ZNF274: variants seen among roughly 807,000 people sequenced by gnomAD.
ZNF274 encodes neurotrophin receptor-interacting factor homolog.
ZNF274 carries 23 observed loss-of-function variants against 42.5 expected under a neutral mutation model. The observed-to-expected ratio is 0.54, with a 90% CI of 0.39 to 0.77. The LOEUF is 0.77. Among genes scored for constraint, ZNF274 ranks in the 30% least tolerant of loss-of-function variants. The probability of loss-of-function intolerance (pLI) is 0.00; values close to 1 mark genes in which losing one functional copy is unlikely to be tolerated. For synonymous variants in ZNF274, 292 were observed against 305.4 expected (o/e 0.96, Z 0.46); for missense variants, 679 against 806.5 (o/e 0.84, Z 1.91).
At chr19:58,206,564 C>T (rs2075980163) in intron 4 of ZNF274, among the ~76,000 whole-genome samples, 156 bp from the exon 5 acceptor site, 2 of 152,210 alleles carry the variant, frequency 1.3e-5, no homozygotes, top group Admixed American at 1.3e-4. Context: ...TTTCCACATC[C>T]TCTCCTGTTA....
Position 58,210,070 on chromosome 19 carries a change from T to A in ZNF274, c.849T>A (p.Pro283=). The part of the protein sequence containing the change: ...DAAICPVTVL[P]EEPVTFQDVA... ...CCATCTGCCCAGTGACAGTGCTCCC[T>A]GAGGTAAGCGGGGAGTATCACCCTG... The change falls in exon 6 of 8, where the codon CCT becomes CCA. Residue 283 remains proline, a synonymous_variant. Coordinates refer to ENST00000617501, the MANE Select transcript of ZNF274 (RefSeq NM_133502.3). 3 of 1,612,844 alleles carry A rather than the reference T, an allele frequency of 1.9e-6. No homozygotes were observed. The Admixed American group carries it at 5.0e-5, about 27-fold the overall frequency.
chr19:58,198,022 G>A (rs557574810), intron 4 of ZNF274, among the ~76,000 whole-genome samples: 12 of 152,146 alleles, frequency 7.9e-5, no homozygotes, highest in African/African-American at 2.9e-4. Context: ...TAATTAAGAA[G>A]GAAAACAAAC....
Position 58,212,832 on chromosome 19 carries a change from A to G in ZNF274, c.1651A>G (p.Thr551Ala). The change falls in exon 8 of 8, where the codon ACA becomes GCA. Residue 551 changes from threonine to alanine, a missense_variant. This residue lies in a region of ZNF274 where 456 missense variants were observed against 590.1 expected (regional missense o/e 0.77). Coordinates refer to ENST00000617501, the MANE Select transcript of ZNF274 (RefSeq NM_133502.3). The surrounding 1 kb of genome is among the most constrained non-coding windows in gnomAD (Gnocchi z 4.6). ...AGGATTTGTTCAGAGCTCTTCCCTC[A>G]CACAGCATCAGAGAGTTCATTCTGG... ...GKGFVQSSSL[T>A]QHQRVHSGER... 1 of 1,614,024 alleles carries G rather than the reference A, an allele frequency of 6.2e-7. No homozygotes were observed. Among genetic ancestry groups the G allele is most frequent in the South Asian group, 1.1e-5 (1 of 91,088 alleles).
intron 4 of ZNF274, among the ~76,000 whole-genome samples, chr19:58,201,336 C>T (rs1018894806): frequency 1.3e-5 from 2 of 150,950 alleles, no homozygotes; most frequent in African/African-American, 4.9e-5. Flanking sequence ...AACCAGATCT[C>T]GTGTGATTAA....
At chr19:58,205,342 T>C (rs1206627209) in intron 4 of ZNF274, among the ~76,000 whole-genome samples, 2 of 152,188 alleles carry the variant, frequency 1.3e-5, no homozygotes, top group African/African-American at 4.8e-5. Context: ...TTTATATTTG[T>C]TTTTAAGGCC....
At chr19:58,205,753 C>G (rs2075972817) in intron 4 of ZNF274, among the ~76,000 whole-genome samples, 2 of 152,200 alleles carry the variant, frequency 1.3e-5, no homozygotes, top group African/African-American at 4.8e-5. Flanking sequence ...GCAATGTGCT[C>G]TTGTGGACTC....
intron 4 of ZNF274, among the ~76,000 whole-genome samples, chr19:58,195,938 C>G (rs1430335333): frequency 6.6e-6 from 1 of 152,124 alleles, no homozygotes; most frequent in Non-Finnish European, 1.5e-5. Context: ...AGCCTGGTAC[C>G]AGTTTATGGC....
At chr19:58,193,348 G>A (rs745679635) in intron 4 of ZNF274, among the ~76,000 whole-genome samples, 9 of 150,362 alleles carry the variant, frequency 6.0e-5, no homozygotes, top group South Asian at 2.1e-4. Flanking sequence ...GGGTTTCACC[G>A]TGTTAGCCAG....
At chr19:58,183,777 G>A (rs2075660721) in intron 1 of ZNF274, 144 bp from the exon 2 acceptor site, 1 of 593,494 alleles carries the variant, frequency 1.7e-6, no homozygotes, top group Non-Finnish European at 3.0e-6. Flanking sequence ...TCCTGTGGGA[G>A]TCCTATGACT....
intron 5 of ZNF274, 99 bp from the exon 6 acceptor site, chr19:58,209,862 C>T (rs1287661851): frequency 1.4e-6 from 1 of 702,544 alleles, no homozygotes; most frequent in Non-Finnish European, 2.4e-6. Context: ...CAGTACGATG[C>T]AGGGGTGCGG....
chr19:58,212,959 G>A lies in ZNF274; in HGVS notation c.1778G>A (p.Cys593Tyr), dbSNP rs1335649700. ...CACACTGGCGCTAAGCCCTACAAGT[G>A]TCAGGACTGTGGAAAAGCCTTCCGC... ...RTHTGAKPYKCQDCGKAFRQS... is the reference protein window; with the variant it reads ...RTHTGAKPYKYQDCGKAFRQS... The change falls in exon 8 of 8, where the codon TGT becomes TAT. Residue 593 changes from cysteine (C) to tyrosine (Y), a missense_variant. Transcript: ENST00000617501. This position sits in a 1 kb window ranked among gnomAD's most constrained non-coding sequence, Gnocchi z 4.6. 1.9e-6 allele frequency: 3 copies of A among 1,613,890 alleles called. No individual in the cohort carries two copies. The highest frequency in any genetic ancestry group is 1.7e-6 in the Non-Finnish European group (2 of 1,179,898).
intron 4 of ZNF274, among the ~76,000 whole-genome samples, chr19:58,205,533 C>G (rs1370877538): frequency 6.6e-6 from 1 of 152,196 alleles, no homozygotes; most frequent in Non-Finnish European, 1.5e-5. Flanking sequence ...CAGGGTCTCA[C>G]TATGTTGCCC....
rs558662102 is a variant in ZNF274 at position 58,192,108 on chromosome 19, T to C, written c.256+5066T>C. ...GAAGGAAAATAAGTCCGTGGACATA[T>C]AGGATTGGTGGTGAAGACAGCTTCT... On this transcript the variant is annotated intron_variant, in intron 4 of 7. Transcript: ENST00000617501. 3.3e-5 allele frequency among the ~76,000 whole-genome samples: 5 copies of C among 152,172 alleles called. No individual in the cohort carries two copies. In the East Asian group the frequency reaches 5.8e-4, roughly 18 times the overall value.
intron 2 of ZNF274, chr19:58,184,943 C>T (rs2075678889): frequency 6.6e-6 from 1 of 150,476 alleles, no homozygotes; most frequent in South Asian, 2.1e-4. Context: ...TAGTGAAACC[C>T]CGTCTCTACT....
intron 4 of ZNF274, among the ~76,000 whole-genome samples, chr19:58,188,891 AAAAAATT>A (rs957505434): frequency 7.3e-5 from 11 of 151,236 alleles, no homozygotes; most frequent in Admixed American, 2.0e-4. Context: ...TCTCAAAAAA[AAAAAATT>A]AAAAATCCTT....
intron 4 of ZNF274, among the ~76,000 whole-genome samples, chr19:58,198,751 GA>G (rs558570984): frequency 2.7e-4 from 41 of 150,542 alleles, no homozygotes; most frequent in Admixed American, 1.3e-3. Flanking sequence ...AAGATTTTTG[GA>G]AAAGTGTAGA....
At chr19:58,200,565 AAAGGCGAACCAGGTGAAGATGTTGGGG>A (rs1368158898) in intron 4 of ZNF274, among the ~76,000 whole-genome samples, 3 of 152,130 alleles carry the variant, frequency 2.0e-5, no homozygotes, top group African/African-American at 4.8e-5. Flanking sequence ...CCTGAATGGG[AAAGGCGAACCAGGTGAAGATGTTGGGG>A]AAGGTGAACC....
intron 4 of ZNF274, among the ~76,000 whole-genome samples, chr19:58,203,947 A>C (rs1245993784): frequency 6.6e-6 from 1 of 152,256 alleles, no homozygotes; most frequent in East Asian, 1.9e-4. Context: ...GGCTGCGAGA[A>C]GGCAGCGCGG....
Position 58,213,451 on chromosome 19 carries a change from G to A in ZNF274, c.*308G>A. 2 of 291,626 alleles carry A rather than the reference G, an allele frequency of 6.9e-6. No homozygotes were observed. The highest frequency in any genetic ancestry group is 1.3e-5 in the Non-Finnish European group (2 of 155,970). The allele number at this position is 291,626 out of a possible 1,614,324, so 18.1% of individuals were successfully genotyped here. A position where few individuals can be genotyped will look rare whatever the true frequency, so the allele number is the denominator to read the frequency against. On this transcript the variant is annotated 3_prime_UTR_variant, in exon 8 of 8. Coordinates refer to ENST00000617501, the MANE Select transcript of ZNF274 (RefSeq NM_133502.3). ...TTATATAATAACTTTAAAAAGCCAG[G>A]TAATTAATAATCTGCACTGATATTA...
Sources: allele counts gnomAD v4.1 joint callset (sites outside exome capture counted in the v4.1 genomes callset), GRCh38; gene constraint gnomAD v4.1.1; regional missense constraint gnomAD v4.1.1; non-coding constraint Gnocchi (gnomAD v3.1); transcripts MANE v1.5; gene names NCBI Gene and HGNC (gene_info 2026-07-23, HGNC 2026-07-21).